The following CUL2 variants were observed in gnomAD, a reference collection of about 807,000 sequenced individuals.
The protein encoded by CUL2 is cullin 2.
Under a neutral mutation model 110.2 loss-of-function variants are expected in CUL2, and 22 were observed. The ratio of observed to expected loss-of-function variants is 0.20; its 90% CI spans 0.14 to 0.28. The LOEUF is 0.28. Among genes scored for constraint, CUL2 ranks in the 10% least tolerant of loss-of-function variants. CUL2 has a pLI of 1.00. For missense variants in CUL2, 631 were observed against 905.5 expected, an observed-to-expected ratio of 0.70 and a Z score of 3.89; for synonymous variants, 279 against 293.2, an observed-to-expected ratio of 0.95 and a Z score of 0.49.
At chr10:35,057,664 A>G (rs2086274238) in intron 4 of CUL2, among the ~76,000 whole-genome samples, 1 of 151,892 alleles carries the variant, frequency 6.6e-6, no homozygotes, top group Non-Finnish European at 1.5e-5. Context: ...AAAAAAAAAA[A>G]AAGAAAAAAA....
intron 5 of CUL2, among the ~76,000 whole-genome samples, chr10:35,053,025 AG>A (rs2086152603): frequency 6.6e-6 from 1 of 152,214 alleles, no homozygotes; most frequent in Non-Finnish European, 1.5e-5. Flanking sequence ...ACAAAAAAAA[AG>A]GCAAGAAATA....
chr10:35,044,710 T>C (rs755103954), intron 7 of CUL2, 34 bp from the exon 8 acceptor site: 3 of 1,586,346 alleles, frequency 1.9e-6, no homozygotes, highest in Admixed American at 3.4e-5. Flanking sequence ...TTAGAAGAAA[T>C]TAGAACAAGC....
At chr10:35,026,115 AAGTTTGCCT>A (rs1296500815) in intron 16 of CUL2, among the ~76,000 whole-genome samples, 2 of 152,206 alleles carry the variant, frequency 1.3e-5, no homozygotes, top group Non-Finnish European at 2.9e-5. Flanking sequence ...CAGTTACTCT[AAGTTTGCCT>A]AGTCCTGGGA....
At chr10:35,096,592 A>C (rs575024724) in intron 2 of CUL2, among the ~76,000 whole-genome samples, 3 of 152,280 alleles carry the variant, frequency 2.0e-5, no homozygotes, top group African/African-American at 7.2e-5. Context: ...CAGACTGGGT[A>C]ACAGAGCCAG....
chr10:35,024,050 G>T (rs35725384), intron 17 of CUL2, among the ~76,000 whole-genome samples: 20,578 of 152,070 alleles, frequency 0.14, 1,571 homozygotes, highest in South Asian at 0.2. Flanking sequence ...GCCCAGGCTG[G>T]TCTCAAACTC....
In CUL2 at chr10:35,034,693, G is replaced by A. The variant is rs185839946; in HGVS notation, c.1002+479C>T. Among the ~76,000 whole-genome samples, 499 of 152,300 alleles carry A rather than the reference G, an allele frequency of 3.3e-3. 5 individuals carry two copies. Among genetic ancestry groups the A allele is most frequent in the African/African-American group, 0.011 (474 of 41,566 alleles). On this transcript the variant is annotated intron_variant, in intron 10 of 20. Coordinates refer to ENST00000374749, the MANE Select transcript of CUL2 (RefSeq NM_003591.4). ...CGAGAAAGATGAGTATTAGGGATAT[G>A]AGGGTTATTGTTTTGGGTATTTGGG...
At chr10:35,046,055 T>C (rs1482048443) in intron 6 of CUL2, among the ~76,000 whole-genome samples, 1 of 152,160 alleles carries the variant, frequency 6.6e-6, no homozygotes, top group Non-Finnish European at 1.5e-5. Context: ...AGTCCTTCCC[T>C]GCCTCTGAAC....
intron 1 of CUL2, among the ~76,000 whole-genome samples, chr10:35,109,962 C>T (rs1449312420): frequency 1.3e-5 from 2 of 152,062 alleles, no homozygotes; most frequent in Non-Finnish European, 2.9e-5. Flanking sequence ...TTGCTTCAGG[C>T]CAGGAGTTCA....
chr10:35,060,733 C>G, intron 4 of CUL2, 141 bp downstream of exon 4: 1 of 662,286 alleles, frequency 1.5e-6, no homozygotes, highest in Non-Finnish European at 2.5e-6. Flanking sequence ...CCTTTCCCCA[C>G]AGCAGAGAAA....
At chr10:35,085,696 C>CAAAA (rs1263412257) in intron 1 of CUL2, among the ~76,000 whole-genome samples, 2 of 55,754 alleles carry the variant, frequency 3.6e-5, no homozygotes, top group Non-Finnish European at 8.0e-5. Context: ...GACTCTGTCT[C>CAAAA]AAAAAAAAAA....
chr10:35,028,219 T>C (rs1243493076), intron 16 of CUL2, among the ~76,000 whole-genome samples: 2 of 152,218 alleles, frequency 1.3e-5, no homozygotes, highest in Non-Finnish European at 1.5e-5. Flanking sequence ...CTACAATCTC[T>C]TTTCAAAGAA....
intron 2 of CUL2, among the ~76,000 whole-genome samples, chr10:35,067,932 CCT>C (rs2086575203): frequency 6.6e-6 from 1 of 151,650 alleles, no homozygotes; most frequent in Admixed American, 6.6e-5. Flanking sequence ...ACGGTGAAAC[CCT>C]GTCTCTACTA....
chr10:35,044,703 G>C, intron 7 of CUL2, 27 bp from the exon 8 acceptor site: 1 of 1,583,110 alleles, frequency 6.3e-7, no homozygotes. Context: ...CATCATATTA[G>C]AAGAAATTAG....
In CUL2 at chr10:35,010,423, G is replaced by C. The variant is rs751467579; in HGVS notation, c.2126C>G (p.Ala709Gly). Reference sequence around the variant, plus strand: ...CATGCTGATACTGGGATTAAACCTAGCTCTTGACTGGCTAATCACCTGTGG... The same window carrying C: ...CATGCTGATACTGGGATTAAACCTACCTCTTGACTGGCTAATCACCTGTGG... ...LIQEVISQSR[A>G]RFNPSISMIK... Residue 709 changes from alanine (A) to glycine (G), a missense_variant, in exon 21 of 21, where the codon GCT becomes GGT. Physicochemically the swap from Ala to Gly is moderately conservative, Grantham distance 60 (BLOSUM62 0). Transcript: ENST00000374749. 1.2e-6 allele frequency: 2 copies of C among 1,609,972 alleles called. No homozygotes were observed. The highest frequency in any genetic ancestry group is 1.7e-6 in the Non-Finnish European group (2 of 1,178,180).
At position 35,089,154 on chromosome 10, in the gene CUL2, G is replaced by A. The variant is rs112779776; in HGVS notation, c.-23+1025C>T. ...CGCACCACTGCACTCCAGCCTGGGT[G>A]ACAAGAGCAAAACTCCATCTCAAAA... is the stretch of plus-strand genomic sequence containing the variant. On this transcript the variant is annotated intron_variant, in intron 1 of 20. Coordinates refer to ENST00000374749, the MANE Select transcript of CUL2 (RefSeq NM_003591.4). Among the ~76,000 whole-genome samples the A allele has an allele frequency of 3.6e-3, 549 of 152,304 alleles. 6 individuals are homozygous for A. The highest frequency in any genetic ancestry group is 0.013 in the African/African-American group (529 of 41,570).
intron 18 of CUL2, among the ~76,000 whole-genome samples, chr10:35,015,965 T>C (rs1035008251): frequency 5.9e-5 from 9 of 152,200 alleles, no homozygotes; most frequent in African/African-American, 9.7e-5. Flanking sequence ...GCTGTAACAG[T>C]ATAGGACAAA....
intron 15 of CUL2, 54 bp downstream of exon 15, chr10:35,029,434 T>C (rs1050932131): frequency 5.0e-6 from 6 of 1,192,052 alleles, no homozygotes; most frequent in South Asian, 1.7e-5. Flanking sequence ...GAATCATTTG[T>C]ATCAACGTAC....
chr10:35,016,204 A>G lies in CUL2; in HGVS notation c.1875T>C (p.His625=). Residue 625 remains histidine, a synonymous_variant, in exon 18 of 21, where the codon CAT becomes CAC. Coordinates refer to ENST00000374749, the MANE Select transcript of CUL2 (RefSeq NM_003591.4). The part of the protein sequence containing the change: ...KSLLDVKMIN[H]DSEKEDIDAE... ...TATTACTACATACCTTTTCTGAATC[A>G]TGGTTAATCATTTTCACATCAAGTA... is the stretch of plus-strand genomic sequence containing the variant. 1 of 1,612,972 alleles carries G rather than the reference A, an allele frequency of 6.2e-7. No homozygotes were observed. The highest frequency in any genetic ancestry group is 1.1e-5 in the South Asian group (1 of 90,966).
At chr10:35,081,962 T>G (rs2086955815) in intron 1 of CUL2, among the ~76,000 whole-genome samples, 2 of 152,066 alleles carry the variant, frequency 1.3e-5, no homozygotes, top group South Asian at 4.1e-4. Context: ...CAGATGCATA[T>G]CAATTAACCC....
Sources: allele counts gnomAD v4.1 joint callset (sites outside exome capture counted in the v4.1 genomes callset), GRCh38; gene constraint gnomAD v4.1.1; transcripts MANE v1.5; gene names NCBI Gene and HGNC (gene_info 2026-07-23, HGNC 2026-07-21).